Variants in GRID2 observed in about 807,000 individuals in gnomAD.
GRID2 encodes glutamate receptor ionotropic, delta-2.
GRID2 carries 33 observed loss-of-function variants against 114.8 expected under a neutral mutation model. The ratio of observed to expected loss-of-function variants is 0.29; its 90% confidence interval spans 0.22 to 0.38. The LOEUF is 0.38. Among genes scored for constraint, GRID2 ranks in the 10% least tolerant of loss-of-function variants. The pLI, the probability that GRID2 is intolerant of heterozygous loss-of-function variation, is 1.00. For synonymous variants in GRID2, 505 were observed against 449.9 expected (o/e 1.12, Z -1.55); for missense variants, 1,184 against 1,257.7 (o/e 0.94, Z 0.89).
At chr4:93,661,789 C>G (rs569024330) in intron 14 of GRID2, among the ~76,000 whole-genome samples, 6 of 152,166 alleles carry the variant, frequency 3.9e-5, no homozygotes, top group Admixed American at 1.3e-4. Flanking sequence ...TGGCAGCACC[C>G]TTGCTTCCAC....
At chr4:92,504,454 C>T (rs1723849475) in intron 1 of GRID2, among the ~76,000 whole-genome samples, 1 of 152,072 alleles carries the variant, frequency 6.6e-6, no homozygotes, top group South Asian at 2.1e-4. Flanking sequence ...AGACTCTTTG[C>T]AGGAATATGT....
chr4:93,296,129 A>G (rs1754284718), intron 8 of GRID2, among the ~76,000 whole-genome samples: 1 of 152,188 alleles, frequency 6.6e-6, no homozygotes, highest in Non-Finnish European at 1.5e-5. Context: ...TAGTCCGTCC[A>G]GGGCCTCTAA....
At chr4:92,535,247 GTAAT>G (rs1725554664) in intron 1 of GRID2, among the ~76,000 whole-genome samples, 1 of 151,954 alleles carries the variant, frequency 6.6e-6, no homozygotes, top group African/African-American at 2.4e-5. Context: ...TTATAATTAA[GTAAT>G]TAAATATAAG....
At chr4:93,258,299 A>G (rs1484403834) in intron 8 of GRID2, among the ~76,000 whole-genome samples, 1 of 151,664 alleles carries the variant, frequency 6.6e-6, no homozygotes, top group Non-Finnish European at 1.5e-5. Flanking sequence ...AAAAATGACA[A>G]TGATAAAAAC....
rs149857964 is a variant in GRID2, at chr4:92,894,202, C to T, written c.245-190793C>T. On this transcript the variant is annotated intron_variant, in intron 2 of 15. Transcript: ENST00000282020. ...ACATTCATAAGGTTGATCAAACCTA[C>T]CCAAATAGTGTTCATATAAATCTAG... Among the ~76,000 whole-genome samples, 407 of 152,220 alleles carry T rather than the reference C, an allele frequency of 2.7e-3. 5 individuals carry two copies. The highest frequency in any genetic ancestry group is 9.5e-3 in the African/African-American group (393 of 41,554).
intron 14 of GRID2, among the ~76,000 whole-genome samples, chr4:93,683,782 A>G (rs183581227): frequency 6.6e-6 from 1 of 152,068 alleles, no homozygotes; most frequent in East Asian, 1.9e-4. Flanking sequence ...GCTATCCACA[A>G]TCTCTCTGTG....
intron 3 of GRID2, among the ~76,000 whole-genome samples, chr4:93,104,926 A>G (rs1281233803): frequency 1.3e-5 from 2 of 151,954 alleles, no homozygotes; most frequent in African/African-American, 2.4e-5. Flanking sequence ...TCCCACCAAC[A>G]GTGTAAAAGT....
At chr4:92,785,366 T>A (rs895849674) in intron 2 of GRID2, among the ~76,000 whole-genome samples, 6 of 151,360 alleles carry the variant, frequency 4.0e-5, no homozygotes. Context: ...TCTTCAGCTC[T>A]CTAGCTTTTA....
intron 14 of GRID2, among the ~76,000 whole-genome samples, chr4:93,759,238 C>T (rs556843818): frequency 1.4e-4 from 22 of 152,172 alleles, no homozygotes; most frequent in Admixed American, 2.0e-4. Flanking sequence ...TGCTTCTCCG[C>T]GAACAGGGCT....
At chr4:92,451,397 T>A (rs2149078914) in intron 1 of GRID2, among the ~76,000 whole-genome samples, 1 of 152,256 alleles carries the variant, frequency 6.6e-6, no homozygotes, top group South Asian at 2.1e-4. Flanking sequence ...AAGCCAATAT[T>A]TTGAAAGATA....
chr4:92,878,269 A>T (rs1302462352), intron 2 of GRID2, among the ~76,000 whole-genome samples: 1 of 152,150 alleles, frequency 6.6e-6, no homozygotes, highest in African/African-American at 2.4e-5. Flanking sequence ...AGGCGGTTTT[A>T]CTCAGTCATC....
intron 14 of GRID2, among the ~76,000 whole-genome samples, chr4:93,638,299 A>ATTTTTTTTTTTTTT: frequency 1.2e-5 from 1 of 84,136 alleles, no homozygotes; most frequent in Non-Finnish European, 2.5e-5. Flanking sequence ...TAAAACTTGC[A>ATTTTTTTTTTTTTT]TCTTTTTTTT....
At chr4:93,074,889 C>G (rs1036851937) in intron 2 of GRID2, among the ~76,000 whole-genome samples, 2 of 152,034 alleles carry the variant, frequency 1.3e-5, no homozygotes, top group Non-Finnish European at 2.9e-5. Context: ...AGGCAAATTC[C>G]TTGAAATATA....
chr4:92,742,498 A>C (rs1270393990), intron 2 of GRID2, among the ~76,000 whole-genome samples: 1 of 151,784 alleles, frequency 6.6e-6, no homozygotes, highest in Non-Finnish European at 1.5e-5. Context: ...ATCTCTATGC[A>C]TTTTTCTTTA....
chr4:93,457,831 T>C (rs989784565), intron 11 of GRID2, among the ~76,000 whole-genome samples: 2 of 152,162 alleles, frequency 1.3e-5, no homozygotes, highest in African/African-American at 4.8e-5. Flanking sequence ...AAAACAGATA[T>C]GACAGGAGAG....
At chr4:92,986,417 A>G (rs545074739) in intron 2 of GRID2, among the ~76,000 whole-genome samples, 1 of 152,328 alleles carries the variant, frequency 6.6e-6, no homozygotes, top group South Asian at 2.1e-4. Context: ...CTCTCTGCAC[A>G]ATGAGATATA....
intron 11 of GRID2, among the ~76,000 whole-genome samples, chr4:93,461,590 G>A (rs1038297911): frequency 6.6e-6 from 1 of 152,072 alleles, no homozygotes; most frequent in Non-Finnish European, 1.5e-5. Context: ...ATATATGTGA[G>A]TTGTTTACTA....
chr4:92,719,990 T>TA (rs747706780), intron 2 of GRID2, among the ~76,000 whole-genome samples: 3 of 152,078 alleles, frequency 2.0e-5, no homozygotes, highest in Non-Finnish European at 4.4e-5. Flanking sequence ...TTCTTAGCTA[T>TA]AAAAAATGGC....
At chr4:93,428,139 G>A (rs952756611) in intron 10 of GRID2, among the ~76,000 whole-genome samples, 1 of 152,044 alleles carries the variant, frequency 6.6e-6, no homozygotes, top group Non-Finnish European at 1.5e-5. Context: ...TTAAAGTGGA[G>A]TATTTAGGGG....
Sources: allele counts gnomAD v4.1 joint callset (sites outside exome capture counted in the v4.1 genomes callset), GRCh38; gene constraint gnomAD v4.1.1; transcripts MANE v1.5; gene names NCBI Gene and HGNC (gene_info 2026-07-23, HGNC 2026-07-21).